Variants in NDUFV1 observed in about 807,000 individuals in gnomAD.
NDUFV1 encodes NADH dehydrogenase [ubiquinone] flavoprotein 1, mitochondrial.
A neutral mutation model predicts 48.7 loss-of-function variants in NDUFV1; 41 were observed. The ratio of observed to expected loss-of-function variants is 0.84; its 90% confidence interval spans 0.66 to 1.09. The LOEUF is 1.09. Ranked by LOEUF, NDUFV1 falls within the 50% of genes least tolerant of loss-of-function variation. NDUFV1 has a pLI of 0.00. For missense variants in NDUFV1, 580 were observed against 645.4 expected, an observed-to-expected ratio of 0.90 and a Z score of 1.10; for synonymous variants, 231 against 259.1, an observed-to-expected ratio of 0.89 and a Z score of 1.04.
In NDUFV1 at chr11:67,609,818, C is replaced by A. The variant is rs576353892; in HGVS notation, c.510+183C>A. 4.3e-5 allele frequency: 26 copies of A among 607,556 alleles called. 2 individuals are homozygous for A. The South Asian group carries it at 6.5e-4, about 15-fold the overall frequency. The allele number at this position is 607,556 out of a possible 1,614,324, so 37.6% of individuals were successfully genotyped here. On this transcript the variant is annotated intron_variant, in intron 4 of 9. Transcript: ENST00000322776. ...GCTCCCAAAGCCTCCTTCCAGGGCT[C>A]CTAATGCTGCTGGTGTAAATTTTTT...
intron 5 of NDUFV1, 96 bp downstream of exon 5, chr11:67,610,666 C>T (rs1394017801): frequency 3.3e-6 from 5 of 1,506,790 alleles, no homozygotes; most frequent in Non-Finnish European, 4.5e-6. Context: ...TTCTGAGTGG[C>T]TTCCCGGCTG....
rs1373109237 is a variant in NDUFV1 at position 67,610,478 on chromosome 11, C to T, written c.608C>T (p.Ala203Val). 1.2e-6 allele frequency: 2 copies of T among 1,614,180 alleles called. No individual in the cohort carries two copies. The highest frequency in any genetic ancestry group is 1.7e-6 in the Non-Finnish European group (2 of 1,180,030). ...GTGTTTGTGGTGCGCGGGGCTGGGG[C>T]CTACATCTGTGGAGAGGAGACAGCG... ...FDVFVVRGAG[A>V]YICGEETALI... The change falls in exon 5 of 10, where the codon GCC becomes GTC. Residue 203 changes from alanine to valine, a missense_variant. By Grantham distance (64) the Ala-to-Val change is moderately conservative (BLOSUM62 0). Transcript: ENST00000322776.
rs781193720 is a variant in NDUFV1, at chr11:67,612,184, C to A, written c.1227C>A (p.Ile409=). ...FVRGDARPAE[I]DSLWEISKQI... is the part of the protein sequence containing the mutation. ...GGGGGGATGCCCGGCCGGCCGAGATCGACTCCCTGTGGGAGATCAGCAAGC... is the reference window on the plus strand; with the variant it reads ...GGGGGGATGCCCGGCCGGCCGAGATAGACTCCCTGTGGGAGATCAGCAAGC... The change falls in exon 9 of 10, where the codon ATC becomes ATA. Residue 409 remains isoleucine (I), a synonymous_variant. Coordinates refer to ENST00000322776, the MANE Select transcript of NDUFV1 (RefSeq NM_007103.4). This position sits in a 1 kb window ranked among gnomAD's most constrained non-coding sequence, Gnocchi z 4.4. The A allele has an allele frequency of 6.8e-6, 11 of 1,613,660 alleles. No homozygotes were observed. The highest frequency in any genetic ancestry group is 1.3e-5 in the African/African-American group (1 of 74,908).
intron 1 of NDUFV1, among the ~76,000 whole-genome samples, chr11:67,607,961 T>A (rs1854841622): frequency 1.3e-5 from 2 of 152,214 alleles, no homozygotes. Context: ...GCGCGGTGGC[T>A]CACGCCTGTA....
chr11:67,608,536 T>G lies in NDUFV1; in HGVS notation c.156-16T>G. ...GAGCAAGGTGTCCCCTTCATTGCCT[T>G]CCCTATTCTGTCCAGGCTGAAAGGT... On this transcript the variant is annotated splice_polypyrimidine_tract_variant and intron_variant, in intron 2 of 9. Coordinates refer to ENST00000322776, the MANE Select transcript of NDUFV1 (RefSeq NM_007103.4). 1.2e-6 allele frequency: 2 copies of G among 1,614,156 alleles called. No individual in the cohort carries two copies. Among genetic ancestry groups the G allele is most frequent in the Non-Finnish European group, 1.7e-6 (2 of 1,180,028 alleles).
In NDUFV1 at chr11:67,610,394, A is replaced by G; in HGVS notation, c.524A>G (p.Glu175Gly). ...EASNLQVAIREAYEAGLIGKN... is the reference protein window; with the variant it reads ...EASNLQVAIRGAYEAGLIGKN... ...TTTGTCCTGCAGGTGGCCATCCGAGAGGCCTATGAGGCAGGTCTGATTGGC... is the reference window on the plus strand; with the variant it reads ...TTTGTCCTGCAGGTGGCCATCCGAGGGGCCTATGAGGCAGGTCTGATTGGC... The change falls in exon 5 of 10, where the codon GAG (glutamate) becomes GGG (glycine). Residue 175 changes from glutamate to glycine, a missense_variant. Coordinates refer to ENST00000322776, the MANE Select transcript of NDUFV1 (RefSeq NM_007103.4). The G allele has an allele frequency of 6.2e-7, 1 of 1,614,140 alleles. No homozygotes were observed. Among genetic ancestry groups the G allele is most frequent in the Non-Finnish European group, 8.5e-7 (1 of 1,180,026 alleles).
chr11:67,610,341 G>C, intron 4 of NDUFV1, 40 bp from the exon 5 acceptor site: 8 of 1,586,598 alleles, frequency 5.0e-6, no homozygotes, highest in Non-Finnish European at 6.8e-6. Context: ...TGACTCCTGG[G>C]CTGGGGGTGG....
chr11:67,612,154 C>T lies in NDUFV1; in HGVS notation c.1197C>T (p.Phe399=), dbSNP rs769245722. 46 of 1,613,414 alleles carry T rather than the reference C, an allele frequency of 2.9e-5. No homozygotes were observed. Among genetic ancestry groups the T allele is most frequent in the African/African-American group, 4.0e-5 (3 of 74,760 alleles). The stretch of plus-strand genomic sequence containing the variant: ...GGATGAACAAGGTGATGGCACGTTT[C>T]GTGAGGGGGGATGCCCGGCCGGCCG... The part of the protein sequence containing the change: ...VDWMNKVMAR[F]VRGDARPAEI... The change falls in exon 9 of 10, where the codon TTC becomes TTT. Residue 399 remains phenylalanine, a synonymous_variant. Coordinates refer to ENST00000322776, the MANE Select transcript of NDUFV1 (RefSeq NM_007103.4). The surrounding 1 kb of genome is among the most constrained non-coding windows in gnomAD (Gnocchi z 4.4).
At chr11:67,607,950 G>T (rs916733267) in intron 1 of NDUFV1, among the ~76,000 whole-genome samples, 1 of 152,244 alleles carries the variant, frequency 6.6e-6, no homozygotes, top group Admixed American at 6.5e-5. Flanking sequence ...CTAATGGCCG[G>T]GCGCGGTGGC....
Position 67,612,164 on chromosome 11 carries a change from G to T in NDUFV1, c.1207G>T (p.Asp403Tyr), listed in dbSNP as rs1565226211. 2 of 1,613,654 alleles carry T rather than the reference G, an allele frequency of 1.2e-6. No homozygotes were observed. Among genetic ancestry groups the T allele is most frequent in the South Asian group, 1.1e-5 (1 of 91,070 alleles). Residue 403 changes from aspartate (D) to tyrosine (Y), a missense_variant, in exon 9 of 10, where the codon GAT (aspartate) becomes TAT (tyrosine). Asp to Tyr is a radical substitution (Grantham distance 160). Transcript: ENST00000322776. This position sits in a 1 kb window ranked among gnomAD's most constrained non-coding sequence, Gnocchi z 4.4. ...GGTGATGGCACGTTTCGTGAGGGGG[G>T]ATGCCCGGCCGGCCGAGATCGACTC... Reference protein sequence around the residue: ...NKVMARFVRGDARPAEIDSLW... With the variant: ...NKVMARFVRGYARPAEIDSLW...
chr11:67,608,933 A>T (rs998183639), intron 3 of NDUFV1, among the ~76,000 whole-genome samples: 3 of 152,206 alleles, frequency 2.0e-5, no homozygotes, highest in African/African-American at 2.4e-5. Context: ...ACTCAGGCAG[A>T]CTTAGTTCAA....
Position 67,609,468 on chromosome 11 carries a change from G to T in NDUFV1, c.343G>T (p.Val115Leu), listed in dbSNP as rs751551838. Residue 115 changes from valine to leucine, a missense_variant, in exon 4 of 10, where the codon GTG becomes TTG. Transcript: ENST00000322776. ...PSDGRPKYLV[V>L]NADEGEPGTC... is the part of the protein sequence containing the mutation. Reference sequence around the variant, plus strand: ...CCCCTGCAGGCCCAAGTATCTGGTGGTGAACGCAGACGAGGGGGAGCCGGG... The same window carrying T: ...CCCCTGCAGGCCCAAGTATCTGGTGTTGAACGCAGACGAGGGGGAGCCGGG... 1 of 1,613,664 alleles carries T rather than the reference G, an allele frequency of 6.2e-7. No individual in the cohort carries two copies. The highest frequency in any genetic ancestry group is 8.5e-7 in the Non-Finnish European group (1 of 1,179,956).
rs746837730 is a variant in NDUFV1 at position 67,611,236 on chromosome 11, G to GGGGGTGCGCAGTGGGGGCA, written c.913+32_913+50dup. On this transcript the variant is annotated intron_variant, in intron 6 of 9. Coordinates refer to ENST00000322776, the MANE Select transcript of NDUFV1 (RefSeq NM_007103.4). This position sits in a 1 kb window ranked among gnomAD's most constrained non-coding sequence, Gnocchi z 4.2. ...AGGCCTGGGGCCAGCCAGGTGGTGG[G>GGGGGTGCGCAGTGGGGGCA]GGGGTGCGCAGTGGGGGCAGGTGTC... The GGGGGTGCGCAGTGGGGGCA allele has an allele frequency of 1.8e-5, 29 of 1,611,292 alleles. No individual in the cohort carries two copies. Among genetic ancestry groups the GGGGGTGCGCAGTGGGGGCA allele is most frequent in the African/African-American group, 4.0e-5 (3 of 74,818 alleles).
In NDUFV1 at chr11:67,612,208, G is replaced by A. The variant is rs749630660; in HGVS notation, c.1251G>A (p.Lys417=). 6.2e-7 allele frequency: 1 copy of A among 1,613,760 alleles called. No individual in the cohort carries two copies. The highest frequency in any genetic ancestry group is 8.5e-7 in the Non-Finnish European group (1 of 1,179,920). Residue 417 remains lysine, a synonymous_variant, in exon 9 of 10, where the codon AAG becomes AAA. Coordinates refer to ENST00000322776, the MANE Select transcript of NDUFV1 (RefSeq NM_007103.4). This position sits in a 1 kb window ranked among gnomAD's most constrained non-coding sequence, Gnocchi z 4.4. ...AEIDSLWEIS[K]QIEGHTICAL... ...TCGACTCCCTGTGGGAGATCAGCAA[G>A]CAGATAGAAGGCCATACGATTTGTG... is the stretch of plus-strand genomic sequence containing the variant.
intron 3 of NDUFV1, 89 bp from the exon 4 acceptor site, chr11:67,609,363 G>A (rs1854867007): frequency 7.2e-7 from 1 of 1,386,132 alleles, no homozygotes; most frequent in African/African-American, 1.4e-5. Flanking sequence ...AGACATCTTT[G>A]AGGCCTCCCT....
At chr11:67,607,185 C>T (rs1854822189) in intron 1 of NDUFV1, 109 bp downstream of exon 1, 4 of 1,270,454 alleles carry the variant, frequency 3.1e-6, no homozygotes, top group East Asian at 5.0e-5. Flanking sequence ...GAGCCCTTCT[C>T]CCCAGGCCAG....
intron 4 of NDUFV1, 89 bp downstream of exon 4, chr11:67,609,724 T>G: frequency 6.9e-7 from 1 of 1,454,122 alleles, no homozygotes; most frequent in East Asian, 2.3e-5. Context: ...GAGGTGTTAG[T>G]ACCTGGTCTG....
rs1038391872 is a variant in NDUFV1 at position 67,611,592 on chromosome 11, T to C, written c.1080+23T>C. The C allele has an allele frequency of 6.3e-7, 1 of 1,591,276 alleles. No individual in the cohort carries two copies. Among genetic ancestry groups the C allele is most frequent in the East Asian group, 2.3e-5 (1 of 44,088 alleles). On this transcript the variant is annotated intron_variant, in intron 7 of 9. Transcript: ENST00000322776. The surrounding 1 kb of genome is among the most constrained non-coding windows in gnomAD (Gnocchi z 4.2). ...TCGGTAAGGGTTCACACACCAGCCCTGGTCCCTGCCCTCCTGGTTGCTGTC... is the reference window on the plus strand; with the variant it reads ...TCGGTAAGGGTTCACACACCAGCCCCGGTCCCTGCCCTCCTGGTTGCTGTC...
Position 67,607,091 on chromosome 11 carries a change from G to T in NDUFV1, c.72+15G>T, listed in dbSNP as rs187400726. The T allele has an allele frequency of 1.2e-3, 1,994 of 1,601,830 alleles. 1 individual carries two copies. The highest frequency in any genetic ancestry group is 1.4e-3 in the Non-Finnish European group (1,678 of 1,177,830). On this transcript the variant is annotated intron_variant, in intron 1 of 9. Transcript: ENST00000322776. The stretch of plus-strand genomic sequence containing the variant: ...GCGGCGACACGGTGAGGCCCAGCCT[G>T]GCTGGGGCCACGGGTGTTTGGGGCC...
Sources: gnomAD v4.1 joint callset for allele counts (sites outside exome capture counted in the v4.1 genomes callset) on GRCh38, gnomAD v4.1.1 for gene constraint, Gnocchi (gnomAD v3.1) non-coding constraint, MANE v1.5 for transcripts, NCBI Gene and HGNC (gene_info 2026-07-23, HGNC 2026-07-21) for gene names.